Variants in ARB2A observed in about 807,000 individuals in gnomAD.
ARB2A encodes cotranscriptional regulator ARB2A.
the ARB2A span, among the ~76,000 whole-genome samples, chr5:94,037,403 A>G: frequency 1.3e-5 from 2 of 152,254 alleles, no homozygotes; most frequent in Admixed American, 6.5e-5. Flanking sequence ...AATAATAAGT[A>G]GACAGAGTGA....
chr5:93,683,351 G>A, the ARB2A span: 2 of 1,603,332 alleles, frequency 1.2e-6, no homozygotes, highest in Non-Finnish European at 1.7e-6. Flanking sequence ...TTCTGACTCT[G>A]CATCTTCCTC....
chr5:93,640,797 G>T, the ARB2A span, among the ~76,000 whole-genome samples: 2 of 151,934 alleles, frequency 1.3e-5, no homozygotes, highest in Non-Finnish European at 2.9e-5. Context: ...TGGGGTTTGA[G>T]ATATTATAAT....
the ARB2A span, among the ~76,000 whole-genome samples, chr5:94,081,367 T>C: frequency 6.6e-6 from 1 of 152,296 alleles, no homozygotes; most frequent in South Asian, 2.1e-4. Flanking sequence ...TGAAAATACA[T>C]GTCCCCACCA....
chr5:93,997,988 T>C, the ARB2A span, among the ~76,000 whole-genome samples: 2 of 151,884 alleles, frequency 1.3e-5, no homozygotes, highest in Admixed American at 1.3e-4. Context: ...CCATAGCATA[T>C]GTGTGTCTAT....
chr5:93,683,647 T>C, the ARB2A span: 1 of 1,579,662 alleles, frequency 6.3e-7, no homozygotes, highest in Non-Finnish European at 8.7e-7. Flanking sequence ...TTTGTCGGCC[T>C]TTAGTTCACA....
At chr5:93,836,900 C>T in the ARB2A span, among the ~76,000 whole-genome samples, 1 of 152,082 alleles carries the variant, frequency 6.6e-6, no homozygotes. Flanking sequence ...AAAAAAAAGT[C>T]TATAAGCTGG....
At chr5:93,638,491 T>C in the ARB2A span, among the ~76,000 whole-genome samples, 2 of 152,124 alleles carry the variant, frequency 1.3e-5, no homozygotes, top group Non-Finnish European at 2.9e-5. Flanking sequence ...TATAAATGGA[T>C]CTTTAAACAT....
chr5:93,765,953 A>G, the ARB2A span, among the ~76,000 whole-genome samples: 1 of 152,202 alleles, frequency 6.6e-6, no homozygotes, highest in Non-Finnish European at 1.5e-5. Context: ...TTCCCTATTT[A>G]ATTAATGGTG....
At chr5:93,851,292 G>A in the ARB2A span, among the ~76,000 whole-genome samples, 2 of 152,178 alleles carry the variant, frequency 1.3e-5, no homozygotes, top group Non-Finnish European at 2.9e-5. Flanking sequence ...CTGCCTATTT[G>A]CATTCCTATG....
At chr5:93,988,602 G>C in the ARB2A span, among the ~76,000 whole-genome samples, 8 of 152,192 alleles carry the variant, frequency 5.3e-5, no homozygotes, top group South Asian at 1.7e-3. Context: ...CTCTGTTTTT[G>C]ACACCAGACT....
At chr5:93,851,106 AG>A in the ARB2A span, among the ~76,000 whole-genome samples, 1 of 152,174 alleles carries the variant, frequency 6.6e-6, no homozygotes, top group African/African-American at 2.4e-5. Flanking sequence ...TTTATATTTC[AG>A]GGACTGTTAT....
chr5:93,782,880 C>G, the ARB2A span, among the ~76,000 whole-genome samples: 1 of 152,026 alleles, frequency 6.6e-6, no homozygotes, highest in African/African-American at 2.4e-5. Flanking sequence ...ACTGAGAGAA[C>G]TATCCAAGAA....
At chr5:93,778,710 C>T in the ARB2A span, among the ~76,000 whole-genome samples, 1 of 152,142 alleles carries the variant, frequency 6.6e-6, no homozygotes, top group Admixed American at 6.5e-5. Context: ...ATATGTCGGT[C>T]TTCCTACTGC....
At chr5:94,037,415 G>A in the ARB2A span, among the ~76,000 whole-genome samples, 3 of 151,954 alleles carry the variant, frequency 2.0e-5, no homozygotes, top group Non-Finnish European at 4.4e-5. Flanking sequence ...ACAGAGTGAG[G>A]AGAAAGAAAA....
chr5:93,831,299 T>TAAAA, the ARB2A span, among the ~76,000 whole-genome samples: 25 of 136,482 alleles, frequency 1.8e-4, no homozygotes, highest in East Asian at 6.4e-4. Context: ...ACTCCGCTGC[T>TAAAA]AAAAAAAAAA....
chr5:94,040,219 G>A, the ARB2A span, among the ~76,000 whole-genome samples: 4 of 152,092 alleles, frequency 2.6e-5, no homozygotes, highest in African/African-American at 7.2e-5. Flanking sequence ...TTTGCTAATG[G>A]CTATGGGTGA....
the ARB2A span, among the ~76,000 whole-genome samples, chr5:93,709,651 A>AAAAAAAC: frequency 1.1e-4 from 16 of 149,852 alleles, no homozygotes; most frequent in African/African-American, 3.7e-4. Context: ...AAAAAAAAAA[A>AAAAAAAC]AAAAAACCAT....
the ARB2A span, chr5:93,866,355 T>C: frequency 3.3e-6 from 3 of 906,342 alleles, no homozygotes; most frequent in Non-Finnish European, 4.0e-6. Flanking sequence ...GGAGGAACAG[T>C]GTTTTCAACT....
the ARB2A span, among the ~76,000 whole-genome samples, chr5:94,031,580 T>C: frequency 1.3e-5 from 2 of 152,082 alleles, no homozygotes; most frequent in African/African-American, 4.8e-5. Context: ...CAAGGATTAG[T>C]AGTAGAGAAT....
Sources: allele counts gnomAD v4.1 joint callset (sites outside exome capture counted in the v4.1 genomes callset), GRCh38; gene constraint gnomAD v4.1.1; transcripts MANE v1.5; gene names NCBI Gene and HGNC (gene_info 2026-07-23, HGNC 2026-07-21).